Variants in CADM2 observed in about 807,000 individuals in gnomAD.
CADM2 encodes cell adhesion molecule 2, also known as immunoglobulin superfamily member 4D.
CADM2 carries 12 observed loss-of-function variants against 49.8 expected under a neutral mutation model. That is an observed-to-expected ratio of 0.24 (90% CI 0.15 to 0.39). The LOEUF (loss-of-function observed/expected upper bound fraction) is 0.39, where lower values mean the gene tolerates loss of function less well. Ranked by LOEUF, CADM2 falls within the 10% of genes least tolerant of loss-of-function variation. CADM2 has a pLI of 1.00. For synonymous variants in CADM2, 214 were observed against 175.4 expected, an observed-to-expected ratio of 1.22 and a Z score of -1.74; for missense variants, 378 against 492.3, an observed-to-expected ratio of 0.77 and a Z score of 2.20.
chr3:85,377,189 A>T (rs142797742), intron 1 of CADM2, among the ~76,000 whole-genome samples: 2 of 152,068 alleles, frequency 1.3e-5, no homozygotes. Context: ...CATAAATGCT[A>T]ATATTTATTG....
chr3:85,280,812 C>A (rs966964993), intron 1 of CADM2, among the ~76,000 whole-genome samples: 5 of 151,622 alleles, frequency 3.3e-5, no homozygotes, highest in Non-Finnish European at 5.9e-5. Flanking sequence ...AGTATAAAAT[C>A]ATCTAGTTAG....
At chr3:85,259,294 A>G (rs896951054) in intron 1 of CADM2, among the ~76,000 whole-genome samples, 8 of 152,166 alleles carry the variant, frequency 5.3e-5, no homozygotes, top group Middle Eastern at 3.2e-3. Flanking sequence ...TTAGTCTGGT[A>G]ACTACGAACA....
intron 1 of CADM2, among the ~76,000 whole-genome samples, chr3:85,477,370 A>C (rs1320422632): frequency 7.0e-6 from 1 of 142,510 alleles, no homozygotes; most frequent in Non-Finnish European, 1.6e-5. Context: ...AAGGAGAGAG[A>C]TTTAAGAAGA....
chr3:85,675,568 A>T (rs2065866963), intron 1 of CADM2, among the ~76,000 whole-genome samples: 1 of 152,166 alleles, frequency 6.6e-6, no homozygotes, highest in Non-Finnish European at 1.5e-5. Context: ...ACAAGCATCT[A>T]ACACCCCGAT....
chr3:85,969,705 C>A (rs1398967816), intron 8 of CADM2, among the ~76,000 whole-genome samples: 3 of 150,762 alleles, frequency 2.0e-5, no homozygotes, highest in African/African-American at 7.3e-5. Context: ...TAGACTATGA[C>A]CTCCTAGGAA....
In CADM2 at chr3:85,301,830, C is replaced by T. The variant is rs141084349; in HGVS notation, c.61+342162C>T. Among the ~76,000 whole-genome samples, 813 of 151,972 alleles carry T rather than the reference C, an allele frequency of 5.3e-3. 4 individuals are homozygous for T. The highest frequency in any genetic ancestry group is 0.019 in the African/African-American group (771 of 41,488). On this transcript the variant is annotated intron_variant, in intron 1 of 9. Coordinates refer to ENST00000383699, the MANE Select transcript of CADM2 (RefSeq NM_001167675.2). ...GATATGAGCTCAGGTCTCCTGACAC[C>T]CATATTAAAAATGACTCTCCATATA...
At chr3:85,812,951 G>C (rs2072973612) in intron 3 of CADM2, among the ~76,000 whole-genome samples, 1 of 152,062 alleles carries the variant, frequency 6.6e-6, no homozygotes, top group African/African-American at 2.4e-5. Context: ...GTCTATCATT[G>C]ATGGACATTC....
intron 1 of CADM2, among the ~76,000 whole-genome samples, chr3:85,230,499 A>T (rs551302361): frequency 6.6e-6 from 1 of 152,306 alleles, no homozygotes; most frequent in Non-Finnish European, 1.5e-5. Context: ...TATTCACCTT[A>T]TGCTTAGAAG....
chr3:85,018,304 T>C (rs2034338682), intron 1 of CADM2, among the ~76,000 whole-genome samples: 1 of 152,074 alleles, frequency 6.6e-6, no homozygotes, highest in Non-Finnish European at 1.5e-5. Context: ...TCCACGAAAA[T>C]GGAGGAAATG....
intron 1 of CADM2, among the ~76,000 whole-genome samples, chr3:84,972,402 A>G (rs561197066): frequency 1.3e-5 from 2 of 152,252 alleles, no homozygotes; most frequent in African/African-American, 4.8e-5. Flanking sequence ...GATTTTACAT[A>G]TGTAAACAGA....
intron 3 of CADM2, among the ~76,000 whole-genome samples, chr3:85,831,347 A>G (rs1358287437): frequency 6.6e-6 from 1 of 152,028 alleles, no homozygotes; most frequent in Non-Finnish European, 1.5e-5. Context: ...ATACATACCC[A>G]GTAATGGGAT....
chr3:85,487,258 T>G (rs1213553820), intron 1 of CADM2, among the ~76,000 whole-genome samples: 1 of 152,178 alleles, frequency 6.6e-6, no homozygotes, highest in Non-Finnish European at 1.5e-5. Context: ...CTCATGCCTA[T>G]AGTCTCAGTA....
At chr3:85,198,818 A>C (rs534650486) in intron 1 of CADM2, among the ~76,000 whole-genome samples, 175 of 151,998 alleles carry the variant, frequency 1.2e-3, no homozygotes, top group African/African-American at 4.0e-3. Flanking sequence ...ATAATTAACA[A>C]TTTATGTTAA....
intron 6 of CADM2, among the ~76,000 whole-genome samples, chr3:85,934,383 A>AAAATTAAT (rs1004960697): frequency 3.9e-5 from 6 of 152,086 alleles, no homozygotes; most frequent in Non-Finnish European, 8.8e-5. Context: ...GATAATGGAA[A>AAAATTAAT]AAATTAATAA....
chr3:85,953,160 A>G (rs1723651867), intron 7 of CADM2, among the ~76,000 whole-genome samples: 1 of 150,908 alleles, frequency 6.6e-6, no homozygotes, highest in Non-Finnish European at 1.5e-5. Context: ...GTGTTAAACT[A>G]AAATAATACT....
At position 85,499,470 on chromosome 3, in the gene CADM2, G is replaced by A. The variant is rs546750175; in HGVS notation, c.62-227052G>A. On this transcript the variant is annotated intron_variant, in intron 1 of 9. Coordinates refer to ENST00000383699, the MANE Select transcript of CADM2 (RefSeq NM_001167675.2). ...ATTGGCAATTATCGGCCACTGTTGTGTGTGTGTGACAAATGAAATTAATTT... is the reference window on the plus strand; with the variant it reads ...ATTGGCAATTATCGGCCACTGTTGTATGTGTGTGACAAATGAAATTAATTT... Among the ~76,000 whole-genome samples, 4 of 151,906 alleles carry A rather than the reference G, an allele frequency of 2.6e-5. No individual in the cohort carries two copies. The South Asian group carries it at 8.3e-4, about 32-fold the overall frequency.
chr3:84,989,543 T>C (rs1361355180), intron 1 of CADM2, among the ~76,000 whole-genome samples: 2 of 152,118 alleles, frequency 1.3e-5, no homozygotes, highest in Non-Finnish European at 2.9e-5. Flanking sequence ...TTCTGTAGTA[T>C]TTATGTTCAT....
chr3:85,154,963 C>T (rs368685114), intron 1 of CADM2, among the ~76,000 whole-genome samples: 12 of 151,612 alleles, frequency 7.9e-5, no homozygotes, highest in African/African-American at 2.7e-4. Context: ...AAGGAACAAC[C>T]GGTACCAGCC....
At chr3:85,431,280 C>T (rs1256049096) in intron 1 of CADM2, among the ~76,000 whole-genome samples, 3 of 152,054 alleles carry the variant, frequency 2.0e-5, no homozygotes, top group African/African-American at 7.2e-5. Flanking sequence ...CCTAACAATA[C>T]ATTTTTGAGA....
Sources: allele counts gnomAD v4.1 joint callset (sites outside exome capture counted in the v4.1 genomes callset), GRCh38; gene constraint gnomAD v4.1.1; transcripts MANE v1.5; gene names NCBI Gene and HGNC (gene_info 2026-07-23, HGNC 2026-07-21).